Variants in SNTG2 observed in about 807,000 individuals in gnomAD.
SNTG2 encodes the protein syntrophin gamma 2.
SNTG2 carries 74 observed loss-of-function variants against 70.9 expected under a neutral mutation model. The observed-to-expected ratio is 1.04, with a 90% CI of 0.86 to 1.27. The LOEUF is 1.27. Ranked by LOEUF, SNTG2 falls within the 50% of genes most tolerant of loss-of-function variation. SNTG2 has a pLI of 0.00. For synonymous variants in SNTG2, 278 were observed against 273.8 expected (o/e 1.02, Z -0.15); for missense variants, 717 against 690.7 (o/e 1.04, Z -0.43).
At chr2:1,335,400 A>G (rs4927638) in intron 16 of SNTG2, among the ~76,000 whole-genome samples, 49,147 of 152,072 alleles carry the variant, frequency 0.32, 8,272 homozygotes, top group East Asian at 0.54. Context: ...TGTCCAGGAA[A>G]GGTGAACCAG....
chr2:1,086,925 C>G (rs1664718805), intron 2 of SNTG2, among the ~76,000 whole-genome samples: 1 of 152,028 alleles, frequency 6.6e-6, no homozygotes, highest in Admixed American at 6.5e-5. Context: ...GTGTTAGGTA[C>G]CAATGAGAAG....
At chr2:981,789 C>A (rs1179465533) in intron 1 of SNTG2, among the ~76,000 whole-genome samples, 1 of 152,194 alleles carries the variant, frequency 6.6e-6, no homozygotes, top group East Asian at 1.9e-4. Flanking sequence ...CACTTGCAAG[C>A]AGACATGTAT....
chr2:1,350,923 A>G (rs1237293770), intron 16 of SNTG2, among the ~76,000 whole-genome samples: 3 of 152,094 alleles, frequency 2.0e-5, no homozygotes, highest in Admixed American at 1.3e-4. Context: ...GTAAGACAAA[A>G]TTATCAGAAA....
chr2:1,322,042 A>T (rs1336275666), intron 16 of SNTG2, among the ~76,000 whole-genome samples: 1 of 152,132 alleles, frequency 6.6e-6, no homozygotes, highest in African/African-American at 2.4e-5. Context: ...CAGAAAAATG[A>T]GTTGACTACT....
At chr2:1,235,525 ACGC>A (rs775044266) in intron 9 of SNTG2, among the ~76,000 whole-genome samples, 4,168 of 47,496 alleles carry the variant, frequency 0.088, 633 homozygotes, top group South Asian at 0.17. Context: ...CCCCTGCCCC[ACGC>A]TGCCCTGAGG....
intron 1 of SNTG2, among the ~76,000 whole-genome samples, chr2:1,024,664 G>A (rs1340578171): frequency 2.0e-5 from 3 of 152,106 alleles, no homozygotes; most frequent in East Asian, 1.9e-4. Flanking sequence ...ATGAGCCACC[G>A]TGCCCACCCA....
chr2:1,252,656 TATTA>T (rs1194723709), intron 12 of SNTG2, among the ~76,000 whole-genome samples: 1 of 152,218 alleles, frequency 6.6e-6, no homozygotes, highest in Non-Finnish European at 1.5e-5. Context: ...TACTGAGGCC[TATTA>T]ATGCTTGGCG....
intron 1 of SNTG2, among the ~76,000 whole-genome samples, chr2:1,073,780 G>A (rs928377558): frequency 6.6e-6 from 1 of 152,102 alleles, no homozygotes; most frequent in African/African-American, 2.4e-5. Context: ...TTATGTAATT[G>A]CTTTTGTGGT....
chr2:1,238,735 T>C (rs1291460040), intron 10 of SNTG2, among the ~76,000 whole-genome samples: 1 of 152,192 alleles, frequency 6.6e-6, no homozygotes, highest in Non-Finnish European at 1.5e-5. Context: ...CCTTGCTCCC[T>C]CTAAGCTGAG....
At chr2:1,060,833 C>G (rs1662773160) in intron 1 of SNTG2, among the ~76,000 whole-genome samples, 1 of 152,118 alleles carries the variant, frequency 6.6e-6, no homozygotes, top group South Asian at 2.1e-4. Context: ...GATTTAAAAC[C>G]AGTGGGTGAA....
chr2:1,240,772 AAC>A (rs1180795484), intron 11 of SNTG2, among the ~76,000 whole-genome samples: 2 of 152,256 alleles, frequency 1.3e-5, no homozygotes, highest in African/African-American at 4.8e-5. Flanking sequence ...TTAGAAAAGA[AAC>A]ACTAAGAATA....
At chr2:1,112,857 C>T (rs1229430568) in intron 4 of SNTG2, among the ~76,000 whole-genome samples, 1 of 148,628 alleles carries the variant, frequency 6.7e-6, no homozygotes, top group Non-Finnish European at 1.5e-5. Flanking sequence ...AACCCTTATA[C>T]TCCTTTGAGA....
At chr2:1,148,678 T>C (rs996270305) in intron 6 of SNTG2, among the ~76,000 whole-genome samples, 9 of 152,178 alleles carry the variant, frequency 5.9e-5, no homozygotes, top group African/African-American at 1.9e-4. Context: ...ATCACCCAGA[T>C]GATGAAGCCA....
intron 2 of SNTG2, among the ~76,000 whole-genome samples, chr2:1,084,018 G>A (rs1317657624): frequency 1.3e-5 from 2 of 151,750 alleles, no homozygotes; most frequent in Admixed American, 6.6e-5. Flanking sequence ...TCCAGCCTGG[G>A]CAATAGAGCG....
chr2:1,137,534 C>T, intron 4 of SNTG2, 88 bp from the exon 5 acceptor site: 2 of 1,440,358 alleles, frequency 1.4e-6, no homozygotes, highest in East Asian at 4.7e-5. Flanking sequence ...ACTTCAGCTA[C>T]TGCAAGCCCT....
At chr2:961,182 G>A (rs1328556503) in intron 1 of SNTG2, among the ~76,000 whole-genome samples, 1 of 152,104 alleles carries the variant, frequency 6.6e-6, no homozygotes, top group Non-Finnish European at 1.5e-5. Flanking sequence ...GGAGGCTTTT[G>A]GTTTGAAACT....
chr2:973,666 A>T (rs1660819926), intron 1 of SNTG2, among the ~76,000 whole-genome samples: 1 of 150,178 alleles, frequency 6.7e-6, no homozygotes, highest in Non-Finnish European at 1.5e-5. Context: ...CCTGTTACTG[A>T]GTTTCTGATT....
At chr2:1,021,936 C>CTTTTTTTTTTTTTTTTTTTTTTTTTTT (rs71392556) in intron 1 of SNTG2, among the ~76,000 whole-genome samples, 1 of 121,142 alleles carries the variant, frequency 8.3e-6, no homozygotes, top group Non-Finnish European at 1.6e-5. Context: ...GTTTTATGTG[C>CTTTTTTTTTTTTTTTTTTTTTTTTTTT]TTTTTTTTTT....
chr2:1,079,638 T>C (rs1395473472), intron 1 of SNTG2, among the ~76,000 whole-genome samples: 1 of 152,172 alleles, frequency 6.6e-6, no homozygotes, highest in East Asian at 1.9e-4. Flanking sequence ...TTGTTAAAGC[T>C]CGGCACACCC....
Sources: gnomAD v4.1 joint callset for allele counts (sites outside exome capture counted in the v4.1 genomes callset) on GRCh38, gnomAD v4.1.1 for gene constraint, MANE v1.5 for transcripts, NCBI Gene and HGNC (gene_info 2026-07-23, HGNC 2026-07-21) for gene names.